MAGI2: variants seen among roughly 807,000 people sequenced by gnomAD.
MAGI2 encodes the protein membrane associated guanylate kinase, WW and PDZ domain containing 2, also known as membrane-associated guanylate kinase, WW and PDZ domain-containing protein 2.
Under a neutral mutation model 133.3 loss-of-function variants are expected in MAGI2, and 35 were observed. The ratio of observed to expected loss-of-function variants is 0.26; its 90% CI spans 0.20 to 0.35. The LOEUF (loss-of-function observed/expected upper bound fraction) is 0.35, where lower values mean the gene tolerates loss of function less well. Among genes scored for constraint, MAGI2 ranks in the 10% least tolerant of loss-of-function variants. MAGI2 has a pLI of 1.00. For missense variants in MAGI2, 1,636 were observed against 1,863.4 expected, an observed-to-expected ratio of 0.88 and a Z score of 2.25; for synonymous variants, 729 against 710.6, an observed-to-expected ratio of 1.03 and a Z score of -0.41.
chr7:79,250,041 T>C (rs1833116522), intron 1 of MAGI2, among the ~76,000 whole-genome samples: 1 of 152,114 alleles, frequency 6.6e-6, no homozygotes, highest in African/African-American at 2.4e-5. Context: ...AAAAACCATA[T>C]GATCATTTCA....
At chr7:78,545,331 G>A (rs1163024902) in intron 3 of MAGI2, among the ~76,000 whole-genome samples, 4 of 148,114 alleles carry the variant, frequency 2.7e-5, no homozygotes, top group Non-Finnish European at 5.9e-5. Flanking sequence ...TCCTGTCTCA[G>A]CCTTCTGAGT....
At chr7:78,060,060 C>T (rs1272765699) in intron 21 of MAGI2, among the ~76,000 whole-genome samples, 1 of 152,092 alleles carries the variant, frequency 6.6e-6, no homozygotes, top group Non-Finnish European at 1.5e-5. Flanking sequence ...GTTTGTGCTG[C>T]CAACATAGGT....
chr7:78,279,182 T>C (rs1362649367), intron 9 of MAGI2, among the ~76,000 whole-genome samples: 1 of 152,182 alleles, frequency 6.6e-6, no homozygotes, highest in Admixed American at 6.5e-5. Flanking sequence ...TAGTCACACT[T>C]CTTCAGTTCT....
At chr7:78,869,593 G>A (rs1015700972) in intron 2 of MAGI2, among the ~76,000 whole-genome samples, 1 of 152,178 alleles carries the variant, frequency 6.6e-6, no homozygotes, top group African/African-American at 2.4e-5. Flanking sequence ...GGAGGCCTCA[G>A]GAAATTGACA....
chr7:78,150,051 G>T (rs1156322460), intron 16 of MAGI2, among the ~76,000 whole-genome samples: 1 of 152,134 alleles, frequency 6.6e-6, no homozygotes, highest in Non-Finnish European at 1.5e-5. Flanking sequence ...AGAATAGTTT[G>T]GTTGGGAACA....
chr7:78,610,720 T>C (rs1308682674), intron 3 of MAGI2, among the ~76,000 whole-genome samples: 4 of 152,210 alleles, frequency 2.6e-5, no homozygotes, highest in Admixed American at 1.3e-4. Flanking sequence ...CTTTGGGGGA[T>C]AGAATTTCAT....
intron 10 of MAGI2, among the ~76,000 whole-genome samples, chr7:78,245,571 G>T (rs1791679368): frequency 6.6e-6 from 1 of 152,184 alleles, no homozygotes; most frequent in African/African-American, 2.4e-5. Flanking sequence ...GTAGAGCACA[G>T]AAATCTAGGA....
chr7:78,172,262 A>T (rs776674387), intron 14 of MAGI2, among the ~76,000 whole-genome samples: 1 of 152,200 alleles, frequency 6.6e-6, no homozygotes, highest in Non-Finnish European at 1.5e-5. Flanking sequence ...GCCCGATGTT[A>T]GCCTAAGCCC....
chr7:79,429,266 A>G (rs1377379184), intron 1 of MAGI2, among the ~76,000 whole-genome samples: 1 of 152,126 alleles, frequency 6.6e-6, no homozygotes, highest in East Asian at 1.9e-4. Context: ...AACCTTATTG[A>G]CAAGTCAATA....
chr7:78,577,592 T>C (rs972922391), intron 3 of MAGI2, among the ~76,000 whole-genome samples: 6 of 144,698 alleles, frequency 4.1e-5, no homozygotes, highest in East Asian at 4.2e-4. Flanking sequence ...TGAAGGGAGA[T>C]AGGGGTGGGG....
intron 9 of MAGI2, among the ~76,000 whole-genome samples, chr7:78,309,102 G>T (rs559184507): frequency 6.6e-6 from 1 of 152,334 alleles, no homozygotes; most frequent in South Asian, 2.1e-4. Flanking sequence ...ATGTAAATCA[G>T]TTCAGCTACC....
In MAGI2 at chr7:78,018,951, T is replaced by C. The variant is rs1434375782; in HGVS notation, c.*364A>G. On this transcript the variant is annotated 3_prime_UTR_variant, in exon 22 of 22. Transcript: ENST00000354212. ...TGTGATTGCTCTTAACTTTGTCCTG[T>C]TTCTTGATATAAAGTTTGGATGACA... 1 of 395,568 alleles carries C rather than the reference T, an allele frequency of 2.5e-6. No individual in the cohort carries two copies. The highest frequency in any genetic ancestry group is 3.6e-5 in the East Asian group (1 of 27,742). 24.5% of individuals were successfully genotyped at this position (395,568 alleles called of 1,614,324 possible). A position where few individuals can be genotyped will look rare whatever the true frequency, so the allele number is the denominator to read the frequency against.
intron 1 of MAGI2, among the ~76,000 whole-genome samples, chr7:79,080,055 G>C (rs1042610336): frequency 2.6e-5 from 4 of 152,080 alleles, no homozygotes; most frequent in African/African-American, 9.7e-5. Context: ...TGAGATCTCA[G>C]ACACTATTTC....
At chr7:79,010,438 G>T (rs771106397) in intron 1 of MAGI2, among the ~76,000 whole-genome samples, 1 of 152,070 alleles carries the variant, frequency 6.6e-6, no homozygotes, top group Non-Finnish European at 1.5e-5. Context: ...AGGTTTAAAA[G>T]TTAGCCTTTT....
chr7:78,611,594 A>T (rs1584836728), intron 3 of MAGI2, among the ~76,000 whole-genome samples: 2 of 152,214 alleles, frequency 1.3e-5, no homozygotes, highest in Admixed American at 1.3e-4. Context: ...ATGAGGACAG[A>T]TTCTGTTCCA....
At position 78,970,847 on chromosome 7, in the gene MAGI2, G is replaced by A. The variant is rs368675512; in HGVS notation, c.418+36243C>T. Among the ~76,000 whole-genome samples, 33 of 152,144 alleles carry A rather than the reference G, an allele frequency of 2.2e-4. 1 individual carries two copies. In the East Asian group the frequency reaches 3.3e-3, roughly 15 times the overall value. On this transcript the variant is annotated intron_variant, in intron 2 of 21. Transcript: ENST00000354212. ...GTGCTAATGCTACATCAGTGCCTGG[G>A]AGCCCAGAAATCAGTCAAGCACAGC...
chr7:79,424,146 T>A (rs1053340429), intron 1 of MAGI2, among the ~76,000 whole-genome samples: 2 of 152,112 alleles, frequency 1.3e-5, no homozygotes, highest in African/African-American at 2.4e-5. Flanking sequence ...ATATAGCTAG[T>A]GTCCATGTGC....
At chr7:79,120,869 T>A (rs947789183) in intron 1 of MAGI2, among the ~76,000 whole-genome samples, 1 of 152,130 alleles carries the variant, frequency 6.6e-6, no homozygotes, top group Admixed American at 6.6e-5. Context: ...CCCATTTATA[T>A]ATACTTCTCT....
chr7:78,256,405 T>C lies in MAGI2; in HGVS notation c.1585A>G (p.Ile529Val), dbSNP rs768620431. 5.0e-6 allele frequency: 8 copies of C among 1,613,804 alleles called. No individual in the cohort carries two copies. The African/African-American group carries it at 5.3e-5, about 11-fold the overall frequency. Residue 529 changes from isoleucine to valine, a missense_variant, in exon 10 of 22, where the codon ATA (isoleucine) becomes GTA (valine). Coordinates refer to ENST00000354212, the MANE Select transcript of MAGI2 (RefSeq NM_012301.4). The part of the protein sequence containing the change: ...PANSMVPPLA[I>V]MERPPPVMVN... ...ATCACTGGAGGTGGCCTCTCCATTATTGCAAGGGGTGGCACCATGCTGTTA... is the reference window on the plus strand; with the variant it reads ...ATCACTGGAGGTGGCCTCTCCATTACTGCAAGGGGTGGCACCATGCTGTTA...
Sources: allele counts gnomAD v4.1 joint callset (sites outside exome capture counted in the v4.1 genomes callset), GRCh38; gene constraint gnomAD v4.1.1; transcripts MANE v1.5; gene names NCBI Gene and HGNC (gene_info 2026-07-23, HGNC 2026-07-21).